COP1: variants seen among roughly 807,000 people sequenced by gnomAD.
COP1 encodes E3 ubiquitin-protein ligase COP1.
In COP1, 24 loss-of-function variants were observed where a neutral mutation model predicts 101.3. That is an observed-to-expected ratio of 0.24 (90% confidence interval 0.17 to 0.33). The LOEUF (loss-of-function observed/expected upper bound fraction) is 0.33. COP1 is among the 10% of genes least tolerant of loss of function. The probability of loss-of-function intolerance (pLI) is 1.00; values close to 1 mark genes in which losing one functional copy is unlikely to be tolerated. For synonymous variants in COP1, 347 were observed against 341.9 expected, an observed-to-expected ratio of 1.01 and a Z score of -0.17; for missense variants, 663 against 906.2, an observed-to-expected ratio of 0.73 and a Z score of 3.45.
At chr1:175,992,520 G>A (rs937338420) in intron 15 of COP1, among the ~76,000 whole-genome samples, 8 of 152,206 alleles carry the variant, frequency 5.3e-5, no homozygotes, top group Non-Finnish European at 8.8e-5. Context: ...GACGGCACCT[G>A]GAAAATTGGG....
intron 15 of COP1, among the ~76,000 whole-genome samples, chr1:175,995,693 C>T (rs1489850971): frequency 1.3e-5 from 2 of 152,118 alleles, no homozygotes; most frequent in Non-Finnish European, 2.9e-5. Context: ...CAAGACTAAA[C>T]CAGGAAGAAA....
At chr1:176,175,715 T>A (rs896904985) in intron 3 of COP1, among the ~76,000 whole-genome samples, 195 bp downstream of exon 3, 13 of 152,182 alleles carry the variant, frequency 8.5e-5, no homozygotes, top group Admixed American at 3.3e-4. Flanking sequence ...ATGAATTTTT[T>A]AATAAAACTT....
chr1:176,112,606 A>G (rs562311394), intron 9 of COP1, among the ~76,000 whole-genome samples: 29 of 152,358 alleles, frequency 1.9e-4, no homozygotes, highest in Non-Finnish European at 3.1e-4. Flanking sequence ...AATATACAAT[A>G]AAGTAATAAC....
chr1:175,949,395 C>T (rs1649600938), intron 18 of COP1, among the ~76,000 whole-genome samples: 1 of 151,822 alleles, frequency 6.6e-6, no homozygotes, highest in Non-Finnish European at 1.5e-5. Context: ...TCTGGATGTC[C>T]TTTAGGAATA....
intron 9 of COP1, among the ~76,000 whole-genome samples, chr1:176,108,566 C>T (rs1558125115): frequency 6.6e-6 from 1 of 152,156 alleles, no homozygotes; most frequent in Non-Finnish European, 1.5e-5. Flanking sequence ...CCTCCACCTA[C>T]CCTTCCCCAA....
At chr1:176,204,836 G>C (rs918631756) in intron 1 of COP1, among the ~76,000 whole-genome samples, 1 of 152,200 alleles carries the variant, frequency 6.6e-6, no homozygotes, top group Non-Finnish European at 1.5e-5. Flanking sequence ...GCTGAGGCTG[G>C]AGAATTGCTT....
At chr1:176,162,078 C>G (rs1694418034) in intron 5 of COP1, among the ~76,000 whole-genome samples, 1 of 152,174 alleles carries the variant, frequency 6.6e-6, no homozygotes, top group Non-Finnish European at 1.5e-5. Flanking sequence ...CCCAATCAAA[C>G]AGGCATAAGG....
At chr1:176,182,317 T>A (rs1266660256) in intron 2 of COP1, among the ~76,000 whole-genome samples, 1 of 152,182 alleles carries the variant, frequency 6.6e-6, no homozygotes, top group Non-Finnish European at 1.5e-5. Flanking sequence ...TGACAAAGGT[T>A]AGGTAAGTTT....
intron 7 of COP1, among the ~76,000 whole-genome samples, chr1:176,135,597 CTTTG>C (rs1246951536): frequency 2.6e-5 from 4 of 151,966 alleles, no homozygotes; most frequent in Admixed American, 6.6e-5. Context: ...GAAATATCAG[CTTTG>C]TTTAATAATG....
chr1:176,129,721 T>G (rs1316126265), intron 8 of COP1, among the ~76,000 whole-genome samples: 7 of 151,850 alleles, frequency 4.6e-5, no homozygotes, highest in Admixed American at 4.6e-4. Context: ...CAGAAGAGAC[T>G]AATAACTCAC....
At chr1:176,139,524 C>T (rs1346825779) in intron 6 of COP1, among the ~76,000 whole-genome samples, 2 of 152,076 alleles carry the variant, frequency 1.3e-5, no homozygotes, top group Non-Finnish European at 2.9e-5. Context: ...GTATGTTCAT[C>T]ATAGCTCTAT....
intron 9 of COP1, among the ~76,000 whole-genome samples, chr1:176,107,843 G>A (rs985351362): frequency 5.3e-5 from 8 of 152,076 alleles, no homozygotes; most frequent in Admixed American, 2.6e-4. Flanking sequence ...TATTCCTGAC[G>A]AAAATAGATA....
At chr1:176,023,212 A>G (rs1039468658) in intron 15 of COP1, among the ~76,000 whole-genome samples, 1 of 152,240 alleles carries the variant, frequency 6.6e-6, no homozygotes, top group Non-Finnish European at 1.5e-5. Flanking sequence ...TTCCAACAAT[A>G]AGAACTACAA....
At chr1:176,089,033 T>C (rs1480484653) in intron 9 of COP1, among the ~76,000 whole-genome samples, 4 of 149,792 alleles carry the variant, frequency 2.7e-5, no homozygotes, top group South Asian at 2.1e-4. Flanking sequence ...CCGGGCGTGG[T>C]GGCTCACGCC....
intron 1 of COP1, among the ~76,000 whole-genome samples, chr1:176,203,254 G>C (rs1440732811): frequency 3.9e-5 from 6 of 151,920 alleles, no homozygotes; most frequent in Non-Finnish European, 1.5e-5. Flanking sequence ...GGAGAATGGC[G>C]TGAACCCGGG....
chr1:175,965,280 C>G (rs1651865947), intron 18 of COP1, among the ~76,000 whole-genome samples: 1 of 152,154 alleles, frequency 6.6e-6, no homozygotes, highest in Non-Finnish European at 1.5e-5. Context: ...GATGCATGAT[C>G]TATAGTTGCC....
chr1:176,162,837 T>C, intron 5 of COP1, 32 bp downstream of exon 5: 1 of 1,559,076 alleles, frequency 6.4e-7, no homozygotes, highest in Non-Finnish European at 8.7e-7. Context: ...GTTCATCATT[T>C]AAAATTTTTT....
At chr1:176,161,124 A>C (rs1046088816) in intron 5 of COP1, among the ~76,000 whole-genome samples, 17 of 152,150 alleles carry the variant, frequency 1.1e-4, no homozygotes, top group African/African-American at 4.1e-4. Flanking sequence ...GTTTCCTCAG[A>C]TCTACTTATC....
intron 9 of COP1, among the ~76,000 whole-genome samples, chr1:176,086,398 T>C (rs567176641): frequency 2.6e-5 from 4 of 151,976 alleles, no homozygotes; most frequent in African/African-American, 9.6e-5. Flanking sequence ...GCTAATTATA[T>C]TGAATTTTTA....
Sources: allele counts gnomAD v4.1 joint callset (sites outside exome capture counted in the v4.1 genomes callset), GRCh38; gene constraint gnomAD v4.1.1; transcripts MANE v1.5; gene names NCBI Gene and HGNC (gene_info 2026-07-23, HGNC 2026-07-21).